The following RAPGEF2 variants were observed in gnomAD, a reference collection of about 807,000 sequenced individuals.
The protein encoded by RAPGEF2 is Rap guanine nucleotide exchange factor 2.
A neutral mutation model predicts 186.7 loss-of-function variants in RAPGEF2; 54 were observed. The observed-to-expected ratio is 0.29, with a 90% CI of 0.23 to 0.36. The LOEUF (loss-of-function observed/expected upper bound fraction) is 0.36, where lower values mean the gene tolerates loss of function less well. RAPGEF2 is among the 10% of genes least tolerant of loss of function. The pLI is 1.00. For missense variants in RAPGEF2, 1,532 were observed against 2,045.0 expected, an observed-to-expected ratio of 0.75 and a Z score of 4.84; for synonymous variants, 712 against 705.9, an observed-to-expected ratio of 1.01 and a Z score of -0.14.
chr4:159,230,563 A>G (rs769373548), intron 4 of RAPGEF2, among the ~76,000 whole-genome samples: 54 of 152,212 alleles, frequency 3.5e-4, no homozygotes, highest in Admixed American at 4.6e-4. Context: ...AAAGAAGCAG[A>G]TGTCCTACTA....
chr4:159,115,525 T>A (rs570254583), intron 1 of RAPGEF2, among the ~76,000 whole-genome samples: 25 of 145,392 alleles, frequency 1.7e-4, no homozygotes, highest in Non-Finnish European at 3.7e-4. Flanking sequence ...TAGAAACTAT[T>A]TGAATTCTGC....
chr4:159,271,161 A>C (rs931159895), intron 7 of RAPGEF2, among the ~76,000 whole-genome samples: 6 of 152,154 alleles, frequency 3.9e-5, no homozygotes, highest in African/African-American at 1.4e-4. Flanking sequence ...GTTTTTTTAA[A>C]GTGGAGCTCT....
chr4:159,269,998 A>C (rs1034083182), intron 7 of RAPGEF2, among the ~76,000 whole-genome samples: 1 of 152,244 alleles, frequency 6.6e-6, no homozygotes, highest in African/African-American at 2.4e-5. Flanking sequence ...TTGTTTCCTG[A>C]CAAGTGCCTA....
chr4:159,345,070 T>C lies in RAPGEF2; in HGVS notation c.3279-36T>C, dbSNP rs532643583. ...TTAAATAGATAAAGTACTCCCATGC[T>C]AGAGTGAGCTGCATATGTACCTTTT... On this transcript the variant is annotated intron_variant, in intron 23 of 29. Coordinates refer to ENST00000691494, the MANE Select transcript of RAPGEF2 (RefSeq NM_001394067.2). 12 of 1,541,110 alleles carry C rather than the reference T, an allele frequency of 7.8e-6. No individual in the cohort carries two copies. The South Asian group carries it at 1.1e-4, about 14-fold the overall frequency.
intron 7 of RAPGEF2, among the ~76,000 whole-genome samples, chr4:159,265,108 G>A (rs1757283817): frequency 6.6e-6 from 1 of 152,158 alleles, no homozygotes; most frequent in African/African-American, 2.4e-5. Context: ...AACTAGTCTA[G>A]AGGATTAAAT....
chr4:159,122,573 A>C (rs886199899), intron 1 of RAPGEF2, among the ~76,000 whole-genome samples: 1 of 152,198 alleles, frequency 6.6e-6, no homozygotes, highest in Non-Finnish European at 1.5e-5. Flanking sequence ...AACAAATCTA[A>C]AGATGCAGCA....
chr4:159,283,877 G>C (rs139553994), intron 7 of RAPGEF2, among the ~76,000 whole-genome samples: 1 of 152,062 alleles, frequency 6.6e-6, no homozygotes, highest in African/African-American at 2.4e-5. Context: ...TTAATGATGC[G>C]TCTTTACAGT....
At chr4:159,319,579 A>C (rs1468845384) in intron 9 of RAPGEF2, among the ~76,000 whole-genome samples, 1 of 152,152 alleles carries the variant, frequency 6.6e-6, no homozygotes, top group Non-Finnish European at 1.5e-5. Context: ...CATAGAAATT[A>C]TCTAAAAACC....
rs1741731577 is a variant in RAPGEF2 at position 159,136,434 on chromosome 4, A to G, written c.69+32203A>G. On this transcript the variant is annotated intron_variant, in intron 1 of 29. Coordinates refer to ENST00000691494, the MANE Select transcript of RAPGEF2 (RefSeq NM_001394067.2). ...AACAGTGGGTGTTGCTGGTGGTGGT[A>G]GTGATTAGGAGTTTAGCTTTAGAAC... Among the ~76,000 whole-genome samples, 3 of 152,264 alleles carry G rather than the reference A, an allele frequency of 2.0e-5. No homozygotes were observed. In the South Asian group the frequency reaches 6.2e-4, roughly 32 times the overall value.
At chr4:159,126,283 T>C (rs1740288268) in intron 1 of RAPGEF2, among the ~76,000 whole-genome samples, 1 of 152,138 alleles carries the variant, frequency 6.6e-6, no homozygotes, top group African/African-American at 2.4e-5. Flanking sequence ...GGAAAACACC[T>C]ATCTCCAAAT....
intron 4 of RAPGEF2, among the ~76,000 whole-genome samples, chr4:159,234,481 C>T (rs1349589860): frequency 1.3e-5 from 2 of 151,386 alleles, no homozygotes; most frequent in Non-Finnish European, 2.9e-5. Context: ...CTTCCGGGTT[C>T]AGGTGATTAT....
intron 3 of RAPGEF2, among the ~76,000 whole-genome samples, chr4:159,199,684 C>G (rs1235206618): frequency 1.3e-5 from 2 of 152,072 alleles, no homozygotes; most frequent in African/African-American, 2.4e-5. Context: ...TATATCCTTT[C>G]TGATGTGAGG....
At chr4:159,161,900 A>AAAT (rs2111221111) in intron 1 of RAPGEF2, among the ~76,000 whole-genome samples, 1 of 152,334 alleles carries the variant, frequency 6.6e-6, no homozygotes, top group East Asian at 1.9e-4. Context: ...TAAGACTTTT[A>AAAT]AAAAGTGAGC....
rs1268083797 is a variant in RAPGEF2 at position 159,198,288 on chromosome 4, TTCTTTCTTTCTTTCTTTCTTTCTTTC to T, written c.197+5034_197+5059del. On this transcript the variant is annotated intron_variant, in intron 3 of 29. Coordinates refer to ENST00000691494, the MANE Select transcript of RAPGEF2 (RefSeq NM_001394067.2). ...TTTCTTTCCTTCTTTCTTTCTTTCT[TTCTTTCTTTCTTTCTTTCTTTCTTTC>T]TTTCTTTCTTTCTTTCTTTCTTTTT... Among the ~76,000 whole-genome samples, 6 of 18,154 alleles carry T rather than the reference TTCTTTCTTTCTTTCTTTCTTTCTTTC, an allele frequency of 3.3e-4. 1 individual carries two copies. In the Admixed American group the frequency reaches 3.6e-3, roughly 11 times the overall value. 11.9% of individuals were successfully genotyped at this position (18,154 alleles called of 152,430 possible).
At chr4:159,252,449 G>A (rs1465437553) in intron 7 of RAPGEF2, among the ~76,000 whole-genome samples, 1 of 152,186 alleles carries the variant, frequency 6.6e-6, no homozygotes, top group African/African-American at 2.4e-5. Flanking sequence ...TTTGCCATTT[G>A]TTAATTTATG....
intron 8 of RAPGEF2, among the ~76,000 whole-genome samples, chr4:159,309,999 C>A (rs79183566): frequency 0.087 from 13,291 of 151,948 alleles, 1,936 homozygotes; most frequent in African/African-American, 0.3. Flanking sequence ...AATAAAGGAT[C>A]AAAACATTTT....
intron 1 of RAPGEF2, among the ~76,000 whole-genome samples, chr4:159,113,541 G>A (rs1212635419): frequency 6.6e-6 from 1 of 151,948 alleles, no homozygotes; most frequent in Non-Finnish European, 1.5e-5. Flanking sequence ...GGGAATTCGA[G>A]TTGAGCCTGG....
At chr4:159,268,275 TG>T (rs1441623266) in intron 7 of RAPGEF2, 2 of 1,341,430 alleles carry the variant, frequency 1.5e-6, no homozygotes, top group East Asian at 4.6e-5. Context: ...TGCTTTAAAA[TG>T]GGAATTGTTG....
At chr4:159,286,272 C>G (rs1487583854) in intron 7 of RAPGEF2, among the ~76,000 whole-genome samples, 1 of 152,058 alleles carries the variant, frequency 6.6e-6, no homozygotes, top group African/African-American at 2.4e-5. Context: ...TTCTACCTGC[C>G]TCACCATGAA....
Sources: allele counts gnomAD v4.1 joint callset (sites outside exome capture counted in the v4.1 genomes callset), GRCh38; gene constraint gnomAD v4.1.1; transcripts MANE v1.5; gene names NCBI Gene and HGNC (gene_info 2026-07-23, HGNC 2026-07-21).